Variants in ANKH observed in about 807,000 individuals in gnomAD.
The protein encoded by ANKH is ANKH inorganic pyrophosphate transport regulator, also known as mineralization regulator ANKH.
In ANKH, 15 loss-of-function variants were observed where a neutral mutation model predicts 49.0. The ratio of observed to expected loss-of-function variants is 0.31; its 90% CI spans 0.20 to 0.47. The LOEUF (loss-of-function observed/expected upper bound fraction) is 0.47. Among genes scored for constraint, ANKH ranks in the 20% least tolerant of loss-of-function variants. ANKH has a pLI of 1.00. For missense variants in ANKH, 429 were observed against 652.0 expected (o/e 0.66, Z 3.72); for synonymous variants, 273 against 260.0 (o/e 1.05, Z -0.48).
rs956737858 is a variant in ANKH, at chr5:14,710,415, TAA to T, written c.*780_*781del. ...CTGGAGATGCGCTTTTGTGACAATTTAAAAAAGTTAGCTCATGTATATACACG... is the reference window on the plus strand; with the variant it reads ...CTGGAGATGCGCTTTTGTGACAATTTAAAAGTTAGCTCATGTATATACACG... On this transcript the variant is annotated 3_prime_UTR_variant, in exon 12 of 12. Coordinates refer to ENST00000284268, the MANE Select transcript of ANKH (RefSeq NM_054027.6). 1.3e-5 allele frequency: 2 copies of T among 152,206 alleles called. No homozygotes were observed. The highest frequency in any genetic ancestry group is 2.1e-4 in the South Asian group (1 of 4,824). The allele number at this position is 152,206 out of a possible 1,614,324, so 9.4% of individuals were successfully genotyped here. A position where few individuals can be genotyped will look rare whatever the true frequency, so the allele number is the denominator to read the frequency against.
intron 8 of ANKH, among the ~76,000 whole-genome samples, chr5:14,734,562 CG>C (rs1738108716): frequency 6.6e-6 from 1 of 152,180 alleles, no homozygotes; most frequent in Admixed American, 6.5e-5. Flanking sequence ...CCGAAAGAGC[CG>C]GGCTGGGCAC....
At chr5:14,860,226 G>A (rs1169931728) in intron 1 of ANKH, among the ~76,000 whole-genome samples, 1 of 152,178 alleles carries the variant, frequency 6.6e-6, no homozygotes, top group Admixed American at 6.5e-5. Flanking sequence ...AGGCGGTGAG[G>A]GAGGGACATT....
rs146760302 is a variant in ANKH at position 14,865,906 on chromosome 5, C to T, written c.96+5446G>A. Among the ~76,000 whole-genome samples the T allele has an allele frequency of 2.3e-4, 35 of 152,328 alleles. No individual in the cohort carries two copies. The East Asian group carries it at 6.4e-3, about 28-fold the overall frequency. On this transcript the variant is annotated intron_variant, in intron 1 of 11. Transcript: ENST00000284268. ...AAGATATATGAACACTCCTATTACA[C>T]ATCTTATTCCAGGAATTGTCACAAT...
At chr5:14,786,229 A>C (rs949684127) in intron 1 of ANKH, among the ~76,000 whole-genome samples, 10 of 152,170 alleles carry the variant, frequency 6.6e-5, no homozygotes, top group African/African-American at 2.2e-4. Flanking sequence ...TAAATTAAAG[A>C]AGTAGTTCCT....
At chr5:14,799,100 G>A (rs1198583942) in intron 1 of ANKH, among the ~76,000 whole-genome samples, 4 of 152,224 alleles carry the variant, frequency 2.6e-5, no homozygotes, top group Non-Finnish European at 4.4e-5. Flanking sequence ...TACGGAGAAA[G>A]TTTGAGTGGT....
At chr5:14,818,501 G>GC (rs938877027) in intron 1 of ANKH, among the ~76,000 whole-genome samples, 4 of 151,902 alleles carry the variant, frequency 2.6e-5, no homozygotes, top group Admixed American at 1.3e-4. Context: ...AATTATCCAG[G>GC]CATGGTGGCG....
intron 1 of ANKH, among the ~76,000 whole-genome samples, chr5:14,825,041 T>C (rs1157893176): frequency 6.6e-6 from 1 of 152,164 alleles, no homozygotes; most frequent in African/African-American, 2.4e-5. Flanking sequence ...AACAAAACAG[T>C]GTGGAAAGAA....
chr5:14,711,111 A>T lies in ANKH; in HGVS notation c.*86T>A. 8.3e-7 allele frequency: 1 copy of T among 1,205,428 alleles called. No individual in the cohort carries two copies. The highest frequency in any genetic ancestry group is 1.2e-6 in the Non-Finnish European group (1 of 810,032). 74.7% of individuals were successfully genotyped at this position (1,205,428 alleles called of 1,614,324 possible). On this transcript the variant is annotated 3_prime_UTR_variant, in exon 12 of 12. Coordinates refer to ENST00000284268, the MANE Select transcript of ANKH (RefSeq NM_054027.6). Reference sequence around the variant, plus strand: ...TACCAAAACAAAACAAAAAAAAGGGAACAAAATACGATGGGAGAGGGAAGA... The same window carrying T: ...TACCAAAACAAAACAAAAAAAAGGGTACAAAATACGATGGGAGAGGGAAGA...
intron 8 of ANKH, among the ~76,000 whole-genome samples, chr5:14,719,863 C>A (rs920212792): frequency 3.3e-5 from 5 of 152,120 alleles, no homozygotes; most frequent in Non-Finnish European, 7.3e-5. Context: ...ACTTTAAAAA[C>A]CTGAATTTTA....
intron 1 of ANKH, among the ~76,000 whole-genome samples, chr5:14,781,753 AC>A (rs1739813029): frequency 6.6e-6 from 1 of 152,160 alleles, no homozygotes; most frequent in Non-Finnish European, 1.5e-5. Context: ...GTGTATTTAA[AC>A]CCCAAAGCTT....
At chr5:14,771,931 A>G (rs201524735) in intron 1 of ANKH, among the ~76,000 whole-genome samples, 1 of 143,420 alleles carries the variant, frequency 7.0e-6, no homozygotes, top group Non-Finnish European at 1.6e-5. Flanking sequence ...GAAAAAAAAA[A>G]AAAAAAAAAA....
intron 1 of ANKH, among the ~76,000 whole-genome samples, chr5:14,837,426 A>G (rs1741686918): frequency 6.6e-6 from 1 of 152,246 alleles, no homozygotes; most frequent in African/African-American, 2.4e-5. Context: ...CAAATTTACA[A>G]GAAAAAATCA....
In ANKH at chr5:14,711,231, G is replaced by C. The variant is rs1385689924; in HGVS notation, c.1445C>G (p.Thr482Arg). 3 of 1,613,952 alleles carry C rather than the reference G, an allele frequency of 1.9e-6. No homozygotes were observed. The highest frequency in any genetic ancestry group is 2.5e-6 in the Non-Finnish European group (3 of 1,180,000). The change falls in exon 12 of 12, where the codon ACA becomes AGA. Residue 482 changes from threonine (T) to arginine (R), a missense_variant. Transcript: ENST00000284268. ...MTDMPPTEEV[T>R]DIVEMREENE ...CTCCTCTCTCATTTCCACGATGTCT[G>C]TCACCTCCTCTGTCGGAGGCATGTC...
chr5:14,819,077 C>T (rs925876604), intron 1 of ANKH, among the ~76,000 whole-genome samples: 19 of 152,090 alleles, frequency 1.2e-4, no homozygotes, highest in Admixed American at 2.6e-4. Context: ...AGTTAATGAC[C>T]GGGTTGCCAG....
chr5:14,836,812 A>T (rs1163841197), intron 1 of ANKH, among the ~76,000 whole-genome samples: 1 of 152,136 alleles, frequency 6.6e-6, no homozygotes, highest in African/African-American at 2.4e-5. Flanking sequence ...CATTGCCAAG[A>T]CAATCCTAAG....
chr5:14,840,833 G>T (rs528183437), intron 1 of ANKH, among the ~76,000 whole-genome samples: 1 of 152,240 alleles, frequency 6.6e-6, no homozygotes, highest in Admixed American at 6.5e-5. Context: ...ACAGCCAAGG[G>T]GCATCCTGGA....
chr5:14,806,167 C>T (rs1740703070), intron 1 of ANKH, among the ~76,000 whole-genome samples: 1 of 152,194 alleles, frequency 6.6e-6, no homozygotes, highest in African/African-American at 2.4e-5. Flanking sequence ...AAGGTACAGA[C>T]TGCCTAATTC....
intron 8 of ANKH, among the ~76,000 whole-genome samples, chr5:14,735,337 G>C (rs997980438): frequency 1.3e-5 from 2 of 152,294 alleles, no homozygotes; most frequent in South Asian, 4.1e-4. Context: ...TACTCACATG[G>C]AGAATCTGGA....
intron 1 of ANKH, among the ~76,000 whole-genome samples, chr5:14,799,311 A>G (rs1183000601): frequency 6.6e-6 from 1 of 152,258 alleles, no homozygotes; most frequent in Non-Finnish European, 1.5e-5. Context: ...TAAAGCAGCA[A>G]GTGCTTATGT....
Sources: allele counts gnomAD v4.1 joint callset (sites outside exome capture counted in the v4.1 genomes callset), GRCh38; gene constraint gnomAD v4.1.1; transcripts MANE v1.5; gene names NCBI Gene and HGNC (gene_info 2026-07-23, HGNC 2026-07-21).